Variants in ARHGAP17 observed in about 807,000 individuals in gnomAD.
ARHGAP17 encodes the protein Rho GTPase activating protein 17.
In ARHGAP17, 57 loss-of-function variants were observed where a neutral mutation model predicts 99.5. That is an observed-to-expected ratio of 0.57 (90% CI 0.46 to 0.71). ARHGAP17 has a LOEUF of 0.71. Among genes scored for constraint, ARHGAP17 ranks in the 30% least tolerant of loss-of-function variants. The pLI is 0.00. For missense variants in ARHGAP17, 1,000 were observed against 1,122.4 expected, an observed-to-expected ratio of 0.89 and a Z score of 1.56; for synonymous variants, 417 against 429.6, an observed-to-expected ratio of 0.97 and a Z score of 0.36.
intron 14 of ARHGAP17, among the ~76,000 whole-genome samples, chr16:24,945,820 G>C (rs139283062): frequency 6.6e-6 from 1 of 152,260 alleles, no homozygotes; most frequent in Non-Finnish European, 1.5e-5. Flanking sequence ...GAGAGTACTG[G>C]AAAGCTAATA....
At position 24,920,091 on chromosome 16, in the gene ARHGAP17, C is replaced by T; in HGVS notation, c.*39G>A. 1.9e-6 allele frequency: 3 copies of T among 1,605,384 alleles called. No individual in the cohort carries two copies. The highest frequency in any genetic ancestry group is 2.2e-5 in the South Asian group (2 of 90,756). On this transcript the variant is annotated 3_prime_UTR_variant, in exon 20 of 20. Coordinates refer to ENST00000289968, the MANE Select transcript of ARHGAP17 (RefSeq NM_001006634.3). Reference sequence around the variant, plus strand: ...GGTTCGCCTGCCCCTGCTCCACTCGCCAGGGTGGAAGTGGTGGAGGGCTGG... The same window carrying T: ...GGTTCGCCTGCCCCTGCTCCACTCGTCAGGGTGGAAGTGGTGGAGGGCTGG...
chr16:25,014,709 G>A (rs1208915784), intron 1 of ARHGAP17, among the ~76,000 whole-genome samples: 2 of 152,154 alleles, frequency 1.3e-5, no homozygotes, highest in African/African-American at 4.8e-5. Context: ...TGTCCCTCTA[G>A]CCATTTCTTG....
At chr16:24,984,908 T>C (rs1237380262) in intron 1 of ARHGAP17, among the ~76,000 whole-genome samples, 1 of 152,088 alleles carries the variant, frequency 6.6e-6, no homozygotes, top group Non-Finnish European at 1.5e-5. Flanking sequence ...AAAAAATGTC[T>C]GTAGGGGGAG....
At chr16:24,946,103 C>A (rs919876662) in intron 14 of ARHGAP17, among the ~76,000 whole-genome samples, 38 of 152,144 alleles carry the variant, frequency 2.5e-4, no homozygotes, top group African/African-American at 8.9e-4. Context: ...CAGAAGCTTT[C>A]CAGCGGATCC....
At chr16:24,938,986 C>G (rs2051229485) in intron 17 of ARHGAP17, among the ~76,000 whole-genome samples, 1 of 152,080 alleles carries the variant, frequency 6.6e-6, no homozygotes, top group African/African-American at 2.4e-5. Context: ...GAAAATTTAA[C>G]TAACTTGCCA....
chr16:24,980,173 A>C (rs2052633765), intron 1 of ARHGAP17, among the ~76,000 whole-genome samples: 1 of 152,162 alleles, frequency 6.6e-6, no homozygotes, highest in African/African-American at 2.4e-5. Context: ...CCAGAAAGTA[A>C]ATGAGACCCC....
chr16:24,976,801 AT>A (rs2052531782), intron 3 of ARHGAP17, among the ~76,000 whole-genome samples: 1 of 152,216 alleles, frequency 6.6e-6, no homozygotes, highest in African/African-American at 2.4e-5. Context: ...TGGGTTTTTC[AT>A]TACATTACTA....
chr16:24,959,813 A>G (rs1363064914), intron 8 of ARHGAP17, 61 bp from the exon 9 acceptor site: 4 of 1,603,744 alleles, frequency 2.5e-6, no homozygotes, highest in Non-Finnish European at 3.4e-6. Context: ...ACACACACAC[A>G]ATGGCTGAGC....
intron 4 of ARHGAP17, among the ~76,000 whole-genome samples, chr16:24,969,817 T>C (rs1043980620): frequency 5.9e-5 from 9 of 151,978 alleles, no homozygotes; most frequent in Non-Finnish European, 1.3e-4. Flanking sequence ...TGGTGACGAA[T>C]GGGAGGAAAC....
At position 24,931,405 on chromosome 16, in the gene ARHGAP17, C is replaced by G. The variant is rs746196804; in HGVS notation, c.1895-1G>C. 1.3e-6 allele frequency: 2 copies of G among 1,503,222 alleles called. No homozygotes were observed. Among genetic ancestry groups the G allele is most frequent in the Non-Finnish European group, 1.8e-6 (2 of 1,128,974 alleles). 93.1% of individuals were successfully genotyped at this position (1,503,222 alleles called of 1,614,324 possible). On this transcript the variant is annotated splice_acceptor_variant, in intron 18 of 19. Transcript: ENST00000289968. LOFTEE classifies it high-confidence loss of function. ...GGTGCTGGAGCGGGTTTTTTAACAG[C>G]TGCACAAAAAGAGAAAAAACACCTT... is the stretch of plus-strand genomic sequence containing the variant.
Position 24,924,124 on chromosome 16 carries a change from C to T in ARHGAP17, c.2516-3864G>A, listed in dbSNP as rs79228438. On this transcript the variant is annotated intron_variant, in intron 19 of 19. Coordinates refer to ENST00000289968, the MANE Select transcript of ARHGAP17 (RefSeq NM_001006634.3). ...AAACTCCCTCCCCCTCTCCACCACCCATCCCTCTTCTCAGACCTAGAGTCT... is the reference window on the plus strand; with the variant it reads ...AAACTCCCTCCCCCTCTCCACCACCTATCCCTCTTCTCAGACCTAGAGTCT... Among the ~76,000 whole-genome samples, 549 of 152,252 alleles carry T rather than the reference C, an allele frequency of 3.6e-3. 3 individuals are homozygous for T. Among genetic ancestry groups the T allele is most frequent in the African/African-American group, 0.012 (517 of 41,538 alleles).
chr16:24,989,553 T>C (rs2052973086), intron 1 of ARHGAP17, among the ~76,000 whole-genome samples: 1 of 151,498 alleles, frequency 6.6e-6, no homozygotes, highest in South Asian at 2.1e-4. Context: ...AAAACGGGAA[T>C]CTATAGAGGC....
intron 12 of ARHGAP17, 84 bp from the exon 13 acceptor site, chr16:24,949,568 A>AT (rs1197033347): frequency 8.6e-7 from 1 of 1,164,256 alleles, no homozygotes; most frequent in African/African-American, 1.5e-5. Flanking sequence ...TGAGGCCTCC[A>AT]TTTTGACAGA....
intron 3 of ARHGAP17, among the ~76,000 whole-genome samples, chr16:24,975,547 G>A (rs984785716): frequency 8.5e-5 from 13 of 152,196 alleles, no homozygotes; most frequent in Non-Finnish European, 1.0e-4. Flanking sequence ...ATAGGTGTAT[G>A]CAAACTTCCA....
chr16:24,987,024 G>A (rs1057505195), intron 1 of ARHGAP17, among the ~76,000 whole-genome samples: 1 of 152,206 alleles, frequency 6.6e-6, no homozygotes, highest in Admixed American at 6.5e-5. Context: ...TTTAATCACT[G>A]TTTGCTTTCT....
intron 13 of ARHGAP17, chr16:24,949,067 T>C (rs901536763): frequency 4.2e-5 from 8 of 189,348 alleles, no homozygotes; most frequent in Admixed American, 6.0e-5. Context: ...CAATTATTGA[T>C]TAATTTTGCC....
rs1020166541 is a variant in ARHGAP17 at position 24,952,455 on chromosome 16, T to C, written c.965-85A>G. On this transcript the variant is annotated intron_variant, in intron 11 of 19. Coordinates refer to ENST00000289968, the MANE Select transcript of ARHGAP17 (RefSeq NM_001006634.3). ...CATATTATTTTGCAAATTGAAATGATCTCAATAACGATCTTCCAAGGTGTA... is the reference window on the plus strand; with the variant it reads ...CATATTATTTTGCAAATTGAAATGACCTCAATAACGATCTTCCAAGGTGTA... 34 of 1,032,468 alleles carry C rather than the reference T, an allele frequency of 3.3e-5. No individual in the cohort carries two copies. In the African/African-American group the frequency reaches 5.3e-4, roughly 16 times the overall value. The allele number at this position is 1,032,468 out of a possible 1,614,324, so 64.0% of individuals were successfully genotyped here.
intron 3 of ARHGAP17, 62 bp from the exon 4 acceptor site, chr16:24,970,642 T>C: frequency 1.4e-6 from 2 of 1,433,090 alleles, no homozygotes; most frequent in South Asian, 2.3e-5. Flanking sequence ...CAATGATCTT[T>C]TTCAGATCAT....
At chr16:24,934,040 T>G (rs924474093) in intron 18 of ARHGAP17, among the ~76,000 whole-genome samples, 1 of 152,216 alleles carries the variant, frequency 6.6e-6, no homozygotes, top group African/African-American at 2.4e-5. Context: ...AGTGGGGGTC[T>G]GCAACCAAGC....
Sources: gnomAD v4.1 joint callset for allele counts (sites outside exome capture counted in the v4.1 genomes callset) on GRCh38, gnomAD v4.1.1 for gene constraint, MANE v1.5 for transcripts, NCBI Gene and HGNC (gene_info 2026-07-23, HGNC 2026-07-21) for gene names.